The following DPEP1 variants were observed in gnomAD, a reference collection of about 807,000 sequenced individuals.
DPEP1 encodes the protein beta-lactamase.
A neutral mutation model predicts 42.3 loss-of-function variants in DPEP1; 50 were observed. The observed-to-expected ratio is 1.18, with a 90% CI of 0.94 to 1.50. The LOEUF is 1.50. DPEP1 is among the 40% of genes most tolerant of loss of function. The probability of loss-of-function intolerance (pLI) is 0.00; values close to 1 mark genes in which losing one functional copy is unlikely to be tolerated. For missense variants in DPEP1, 663 were observed against 553.0 expected, an observed-to-expected ratio of 1.20 and a Z score of -1.99; for synonymous variants, 297 against 234.0, an observed-to-expected ratio of 1.27 and a Z score of -2.46.
chr16:89,638,288 C>T lies in DPEP1; in HGVS notation c.*66C>T. 6.8e-7 allele frequency: 1 copy of T among 1,471,192 alleles called. No individual in the cohort carries two copies. Among genetic ancestry groups the T allele is most frequent in the Middle Eastern group, 2.5e-4 (1 of 3,990 alleles). 91.1% of individuals were successfully genotyped at this position (1,471,192 alleles called of 1,614,324 possible). On this transcript the variant is annotated 3_prime_UTR_variant, in exon 11 of 11. Coordinates refer to ENST00000690203, the MANE Select transcript of DPEP1 (RefSeq NM_001389466.1). ...CCGGGAAGACCCGCCCATCCCAGGA[C>T]TCCAGATGCCAGGAGCCCTGCTGCC...
chr16:89,637,740 G>A (rs1446986683), intron 9 of DPEP1, 33 bp downstream of exon 9: 12 of 1,612,932 alleles, frequency 7.4e-6, no homozygotes, highest in South Asian at 1.1e-5. Context: ...CTGTGGATGA[G>A]CCGGGAGGTT....
chr16:89,618,309 T>G (rs2059402027), intron 1 of DPEP1, among the ~76,000 whole-genome samples: 1 of 152,108 alleles, frequency 6.6e-6, no homozygotes, highest in African/African-American at 2.4e-5. Context: ...TTAAACCTCC[T>G]GGACTCAAGC....
chr16:89,627,141 C>T (rs936876660), intron 1 of DPEP1, among the ~76,000 whole-genome samples: 8 of 151,764 alleles, frequency 5.3e-5, no homozygotes, highest in African/African-American at 7.2e-5. Flanking sequence ...GGCGTGGTGG[C>T]GGGCGCCTGT....
intron 4 of DPEP1, 64 bp from the exon 5 acceptor site, chr16:89,636,469 G>C (rs1433271639): frequency 1.6e-5 from 26 of 1,597,168 alleles, no homozygotes; most frequent in Admixed American, 1.7e-5. Flanking sequence ...GCAGGTGCCG[G>C]TCAGGACACC....
Position 89,637,683 on chromosome 16 carries a change from G to T in DPEP1, c.905G>T (p.Gly302Val), listed in dbSNP as rs1431154741. 1.2e-6 allele frequency: 2 copies of T among 1,612,958 alleles called. No homozygotes were observed. Among genetic ancestry groups the T allele is most frequent in the Non-Finnish European group, 1.7e-6 (2 of 1,179,994 alleles). ...EVAGARAVGF[G>V]GDFDGVPRVP... ...GCAGGAGCCAGAGCCGTGGGTTTTG[G>T]TGGGGACTTTGATGGTGTTCCAAGG... The change falls in exon 9 of 11, where the codon GGT becomes GTT. Residue 302 changes from glycine to valine, a missense_variant. By Grantham distance (109) the Gly-to-Val change is moderately radical. Coordinates refer to ENST00000690203, the MANE Select transcript of DPEP1 (RefSeq NM_001389466.1).
intron 2 of DPEP1, among the ~76,000 whole-genome samples, chr16:89,633,859 A>G (rs1425011550): frequency 6.6e-6 from 1 of 152,056 alleles, no homozygotes; most frequent in Non-Finnish European, 1.5e-5. Flanking sequence ...ACACCCTCAC[A>G]AGGCAGTCCC....
At chr16:89,630,870 A>G (rs946667358) in intron 2 of DPEP1, among the ~76,000 whole-genome samples, 1 of 151,824 alleles carries the variant, frequency 6.6e-6, no homozygotes, top group African/African-American at 2.4e-5. Flanking sequence ...GCTCAGTTTC[A>G]GCTTCTGCGA....
chr16:89,627,351 G>C (rs1249079650), intron 1 of DPEP1, among the ~76,000 whole-genome samples: 2 of 151,672 alleles, frequency 1.3e-5, no homozygotes, highest in East Asian at 3.9e-4. Context: ...GGGAGGCCGA[G>C]GAGGGCACAT....
downstream of DPEP1, among the ~76,000 whole-genome samples, chr16:89,639,101 C>A (rs1304471297): frequency 2.6e-4 from 8 of 30,394 alleles, no homozygotes; most frequent in South Asian, 8.3e-4. Context: ...ACACACACAC[C>A]CCCACCCCTG....
chr16:89,619,995 C>T (rs75044965), intron 1 of DPEP1, among the ~76,000 whole-genome samples: 4,160 of 145,636 alleles, frequency 0.029, 206 homozygotes, highest in African/African-American at 0.1. Context: ...CCTGGCCTCC[C>T]CCCGCCTGCT....
At chr16:89,637,105 C>T (rs2059691360) in intron 6 of DPEP1, 99 bp from the exon 7 acceptor site, 26 of 1,536,824 alleles carry the variant, frequency 1.7e-5, no homozygotes, top group Non-Finnish European at 2.1e-5. Flanking sequence ...CCCGGACTTC[C>T]AGCCACGAAG....
rs1271280498 is a variant in DPEP1, at chr16:89,636,566, C to T, written c.404C>T (p.Ala135Val). Residue 135 changes from alanine (A) to valine (V), a missense_variant, in exon 5 of 11, where the codon GCC (alanine) becomes GTC (valine). Ala to Val is a moderately conservative substitution (Grantham distance 64). Coordinates refer to ENST00000690203, the MANE Select transcript of DPEP1 (RefSeq NM_001389466.1). ...IRQAFREGKV[A>V]SLIGVEGGHS... ...CAGGCCTTCCGGGAAGGGAAGGTGG[C>T]CAGCCTGATCGGCGTGGAGGGCGGC... is the stretch of plus-strand genomic sequence containing the variant. The T allele has an allele frequency of 9.3e-6, 15 of 1,612,306 alleles. No homozygotes were observed. Among genetic ancestry groups the T allele is most frequent in the African/African-American group, 1.3e-5 (1 of 74,946 alleles).
intron 1 of DPEP1, among the ~76,000 whole-genome samples, chr16:89,621,856 C>T (rs944094729): frequency 1.1e-4 from 16 of 152,138 alleles, no homozygotes; most frequent in African/African-American, 3.4e-4. Flanking sequence ...TTCTCGTCTG[C>T]GATGATCTGT....
intron 2 of DPEP1, among the ~76,000 whole-genome samples, chr16:89,634,986 CT>C (rs779100477): frequency 0.014 from 355 of 25,558 alleles, 8 homozygotes; most frequent in Non-Finnish European, 0.031. Flanking sequence ...TCCCTTCCTT[CT>C]CCTTTCCCTT....
chr16:89,617,241 AT>A (rs2059387340), intron 1 of DPEP1, among the ~76,000 whole-genome samples: 1 of 152,088 alleles, frequency 6.6e-6, no homozygotes, highest in African/African-American at 2.4e-5. Flanking sequence ...CTCTCATGTG[AT>A]GCCCTGAGGA....
intron 1 of DPEP1, among the ~76,000 whole-genome samples, chr16:89,623,797 C>T (rs180889932): frequency 1.3e-5 from 2 of 152,142 alleles, no homozygotes; most frequent in African/African-American, 2.4e-5. Context: ...CCTGGCCAGA[C>T]GGAGCTCAGA....
chr16:89,633,625 G>C (rs978819088), intron 2 of DPEP1, among the ~76,000 whole-genome samples: 1 of 152,096 alleles, frequency 6.6e-6, no homozygotes, highest in African/African-American at 2.4e-5. Flanking sequence ...AAAGCACCAA[G>C]ACACCCTCAT....
At chr16:89,617,086 G>A (rs956776427) in intron 1 of DPEP1, among the ~76,000 whole-genome samples, 1 of 152,180 alleles carries the variant, frequency 6.6e-6, no homozygotes, top group Non-Finnish European at 1.5e-5. Context: ...CCCGAGCAAG[G>A]TGAGGGTAGC....
chr16:89,636,546 C>G lies in DPEP1; in HGVS notation c.384C>G (p.Ala128=). The change falls in exon 5 of 11, where the codon GCC becomes GCG. Residue 128 remains alanine, a synonymous_variant. Transcript: ENST00000690203. ...CTCTCCCCGCAGGCATTCGGCAGGC[C>G]TTCCGGGAAGGGAAGGTGGCCAGCC... ...YVTSSAGIRQ[A]FREGKVASLI... is the part of the protein sequence containing the mutation. 6.2e-7 allele frequency: 1 copy of G among 1,612,448 alleles called. No individual in the cohort carries two copies. Among genetic ancestry groups the G allele is most frequent in the Non-Finnish European group, 8.5e-7 (1 of 1,179,870 alleles).
Sources: allele counts gnomAD v4.1 joint callset (sites outside exome capture counted in the v4.1 genomes callset), GRCh38; gene constraint gnomAD v4.1.1; transcripts MANE v1.5; gene names NCBI Gene and HGNC (gene_info 2026-07-23, HGNC 2026-07-21).